Variants in COBL observed in about 807,000 individuals in gnomAD.
COBL encodes the protein protein cordon-bleu.
COBL carries 51 observed loss-of-function variants against 98.8 expected under a neutral mutation model. The observed-to-expected ratio is 0.52, with a 90% CI of 0.41 to 0.65. COBL has a LOEUF of 0.65. Ranked by LOEUF, COBL falls within the 30% of genes least tolerant of loss-of-function variation. The pLI is 0.00. For missense variants in COBL, 1,617 were observed against 1,617.5 expected (o/e 1.00, Z 0.01); for synonymous variants, 634 against 651.7 (o/e 0.97, Z 0.41).
At chr7:51,232,766 G>A (rs1265129510) in intron 1 of COBL, among the ~76,000 whole-genome samples, 1 of 151,906 alleles carries the variant, frequency 6.6e-6, no homozygotes, top group East Asian at 1.9e-4. Flanking sequence ...AGCCAAGATC[G>A]TGCCACTGCA....
At chr7:51,309,414 G>C (rs1485867174) in intron 1 of COBL, among the ~76,000 whole-genome samples, 1 of 152,132 alleles carries the variant, frequency 6.6e-6, no homozygotes, top group Non-Finnish European at 1.5e-5. Context: ...AGATAGGAGA[G>C]AGAATTATCT....
chr7:51,067,922 C>A (rs1178960351), intron 7 of COBL, among the ~76,000 whole-genome samples: 1 of 152,200 alleles, frequency 6.6e-6, no homozygotes, highest in African/African-American at 2.4e-5. Flanking sequence ...TAAGCAGCCC[C>A]TTCGACTGCT....
At chr7:51,144,126 T>C (rs569542356) in intron 5 of COBL, among the ~76,000 whole-genome samples, 8 of 152,292 alleles carry the variant, frequency 5.3e-5, no homozygotes, top group African/African-American at 1.9e-4. Context: ...CTGGGCGGCA[T>C]GTGAGCTGAC....
intron 6 of COBL, among the ~76,000 whole-genome samples, chr7:51,129,946 A>T (rs1168078958): frequency 6.6e-6 from 1 of 152,202 alleles, no homozygotes; most frequent in African/African-American, 2.4e-5. Context: ...AGCAGGGTCT[A>T]GTTAGGAAGC....
chr7:51,078,409 A>G (rs1467954281), intron 7 of COBL, among the ~76,000 whole-genome samples: 1 of 152,186 alleles, frequency 6.6e-6, no homozygotes. Context: ...GATACAGAGA[A>G]GAATTAGGAA....
At position 51,029,528 on chromosome 7, in the gene COBL, T is replaced by C. The variant is rs370469180; in HGVS notation, c.1568A>G (p.Asn523Ser). 3.5e-5 allele frequency: 57 copies of C among 1,613,732 alleles called. No homozygotes were observed. The highest frequency in any genetic ancestry group is 4.3e-5 in the Non-Finnish European group (51 of 1,179,834). ...GATCATGGCATCCTGTGGGCAGTGGTTGGATGCACCATGGATGGAGCTGGT... is the reference window on the plus strand; with the variant it reads ...GATCATGGCATCCTGTGGGCAGTGGCTGGATGCACCATGGATGGAGCTGGT... ...SLTSSIHGASNHCPQDAMIPH... is the reference protein window; with the variant it reads ...SLTSSIHGASSHCPQDAMIPH... Residue 523 changes from asparagine to serine, a missense_variant, in exon 10 of 13, where the codon AAC becomes AGC. This residue lies in a region of COBL where 1,304 missense variants were observed against 1,282.0 expected (regional missense o/e 1.02). Transcript: ENST00000265136.
intron 2 of COBL, among the ~76,000 whole-genome samples, chr7:51,215,790 A>G (rs1263892713): frequency 2.0e-5 from 3 of 152,226 alleles, no homozygotes; most frequent in Non-Finnish European, 2.9e-5. Flanking sequence ...CATGTGCTCC[A>G]TCAATACCTT....
At chr7:51,033,461 A>G (rs1788346352) in intron 8 of COBL, 1 of 152,278 alleles carries the variant, frequency 6.6e-6, no homozygotes, top group Admixed American at 6.5e-5. Flanking sequence ...CATTAAGTCT[A>G]TGTAGAAACA....
intron 1 of COBL, among the ~76,000 whole-genome samples, chr7:51,294,519 T>C (rs1210664878): frequency 6.6e-6 from 1 of 151,198 alleles, no homozygotes; most frequent in African/African-American, 2.4e-5. Context: ...GGCACATGCC[T>C]ATAATCCCAG....
At chr7:51,098,359 T>A (rs1209956341) in intron 6 of COBL, among the ~76,000 whole-genome samples, 1 of 151,838 alleles carries the variant, frequency 6.6e-6, no homozygotes, top group East Asian at 1.9e-4. Context: ...ACTTTCTGGT[T>A]TCAAAACATA....
intron 2 of COBL, among the ~76,000 whole-genome samples, chr7:51,209,688 C>A (rs1228065934): frequency 6.6e-6 from 1 of 152,128 alleles, no homozygotes; most frequent in Non-Finnish European, 1.5e-5. Context: ...CATGCACTGC[C>A]CATGGTGTCC....
rs189711739 is a variant in COBL at position 51,025,975 on chromosome 7, A to T, written c.3504+571T>A. 2.0e-5 allele frequency among the ~76,000 whole-genome samples: 3 copies of T among 152,210 alleles called. No individual in the cohort carries two copies. In the East Asian group the frequency reaches 5.8e-4, roughly 29 times the overall value. On this transcript the variant is annotated intron_variant, in intron 11 of 12. Transcript: ENST00000265136. Reference sequence around the variant, plus strand: ...CTGACCTCATGACTTTTCTTGGCATATAAGAATAGACATAGAGGCTGGACA... The same window carrying T: ...CTGACCTCATGACTTTTCTTGGCATTTAAGAATAGACATAGAGGCTGGACA...
chr7:51,217,349 T>C (rs1793160275), intron 2 of COBL, among the ~76,000 whole-genome samples: 1 of 149,256 alleles, frequency 6.7e-6, no homozygotes, highest in South Asian at 2.1e-4. Flanking sequence ...TCTTTTTTTT[T>C]TTTTTTTTTG....
intron 1 of COBL, among the ~76,000 whole-genome samples, chr7:51,273,996 T>C (rs1799042299): frequency 6.6e-6 from 1 of 152,136 alleles, no homozygotes; most frequent in South Asian, 2.1e-4. Context: ...AGTCATCTGT[T>C]CTGGGCTCTC....
intron 7 of COBL, among the ~76,000 whole-genome samples, chr7:51,068,814 C>T (rs907870876): frequency 3.3e-5 from 5 of 152,176 alleles, no homozygotes; most frequent in African/African-American, 1.2e-4. Flanking sequence ...CTTCACTTTG[C>T]AATATTAAAT....
rs150663250 is a variant in COBL at position 51,148,467 on chromosome 7, T to C, written c.784-12136A>G. Among the ~76,000 whole-genome samples the C allele has an allele frequency of 4.7e-3, 722 of 152,306 alleles. 5 individuals are homozygous for C. Among genetic ancestry groups the C allele is most frequent in the Non-Finnish European group, 8.0e-3 (541 of 68,024 alleles). On this transcript the variant is annotated intron_variant, in intron 5 of 12. Coordinates refer to ENST00000265136, the MANE Select transcript of COBL (RefSeq NM_015198.5). ...CCCCTCAGCGGCCCACTGGGTCCTG[T>C]TGCCCTCCATCTTCTCTCTGACACA...
intron 2 of COBL, among the ~76,000 whole-genome samples, chr7:51,199,318 T>G (rs780055231): frequency 6.6e-6 from 1 of 152,156 alleles, no homozygotes; most frequent in Non-Finnish European, 1.5e-5. Flanking sequence ...TCTGGTGAGC[T>G]AGGAGTAGAT....
At chr7:51,133,611 T>A (rs1233001608) in intron 6 of COBL, among the ~76,000 whole-genome samples, 1 of 152,168 alleles carries the variant, frequency 6.6e-6, no homozygotes, top group Non-Finnish European at 1.5e-5. Context: ...GTCTCAGAAA[T>A]CCTGAGAGCA....
intron 5 of COBL, among the ~76,000 whole-genome samples, chr7:51,149,417 C>G (rs1481558053): frequency 6.6e-6 from 1 of 152,198 alleles, no homozygotes; most frequent in Non-Finnish European, 1.5e-5. Context: ...AGCAAAACCC[C>G]ATCCCTACTT....
Sources: gnomAD v4.1 joint callset for allele counts (sites outside exome capture counted in the v4.1 genomes callset) on GRCh38, gnomAD v4.1.1 for gene constraint, gnomAD v4.1.1 regional missense constraint, MANE v1.5 for transcripts, NCBI Gene and HGNC (gene_info 2026-07-23, HGNC 2026-07-21) for gene names.